The following AKR1C2 variants were observed in gnomAD, a reference collection of about 807,000 sequenced individuals.
AKR1C2 encodes the protein aldo-keto reductase family 1 member C2, also known as 3-alpha-HSD3.
In AKR1C2, 27 loss-of-function variants were observed where a neutral mutation model predicts 39.8. The ratio of observed to expected loss-of-function variants is 0.68; its 90% CI spans 0.50 to 0.93. The LOEUF (loss-of-function observed/expected upper bound fraction) is 0.93, where lower values mean the gene tolerates loss of function less well. Ranked by LOEUF, AKR1C2 falls within the 40% of genes least tolerant of loss-of-function variation. The pLI is 0.00. For synonymous variants in AKR1C2, 114 were observed against 137.9 expected (o/e 0.83, Z 1.22); for missense variants, 263 against 365.1 (o/e 0.72, Z 2.28).
Position 4,995,712 on chromosome 10 carries a change from T to A in AKR1C2, c.680+44A>T, listed in dbSNP as rs782472455. On this transcript the variant is annotated intron_variant, in intron 6 of 8. Transcript: ENST00000380753. ...CAGCATGATCTGATTAAATTTTTTT[T>A]ATCAAACCAGTGTTTTAGGTAAACT... is the stretch of plus-strand genomic sequence containing the variant. 206 of 1,542,864 alleles carry A rather than the reference T, an allele frequency of 1.3e-4. 9 individuals are homozygous for A. In the South Asian group the frequency reaches 1.7e-3, roughly 13 times the overall value.
upstream of AKR1C2, chr10:5,006,148 A>G (rs1837398769): frequency 6.6e-6 from 1 of 152,262 alleles, no homozygotes; most frequent in Non-Finnish European, 1.5e-5. Context: ...TTGGATTCCC[A>G]GAAGGGGAAG....
At chr10:5,002,311 C>T (rs1277718552) in intron 1 of AKR1C2, among the ~76,000 whole-genome samples, 26 of 152,280 alleles carry the variant, frequency 1.7e-4, no homozygotes, top group African/African-American at 6.3e-4. Context: ...TACGTAGAGC[C>T]ACCATTCTTA....
At chr10:5,014,145 G>T (rs1469115259) in intron 1 of AKR1C2, among the ~76,000 whole-genome samples, 4 of 152,014 alleles carry the variant, frequency 2.6e-5, no homozygotes, top group African/African-American at 7.3e-5. Context: ...ATTGTGAATA[G>T]AATTATTATG....
chr10:4,995,716 A>T (rs1554772903), intron 6 of AKR1C2, 40 bp downstream of exon 6: 12 of 1,549,340 alleles, frequency 7.7e-6, no homozygotes, highest in South Asian at 1.2e-5. Context: ...TTTTTTTATC[A>T]AACCAGTGTT....
chr10:4,992,424 C>T (rs1246376174), intron 7 of AKR1C2, among the ~76,000 whole-genome samples: 1 of 152,052 alleles, frequency 6.6e-6, no homozygotes, highest in African/African-American at 2.4e-5. Flanking sequence ...ATTTGGGAGA[C>T]TCTAAATATC....
chr10:4,996,461 C>T (rs1486508965), intron 5 of AKR1C2, among the ~76,000 whole-genome samples: 1 of 148,318 alleles, frequency 6.7e-6, no homozygotes, highest in African/African-American at 2.5e-5. Flanking sequence ...CCAGTGGGTT[C>T]CCTATGAAAC....
intron 1 of AKR1C2, among the ~76,000 whole-genome samples, chr10:5,003,097 A>C (rs1393068150): frequency 6.6e-6 from 1 of 152,172 alleles, no homozygotes; most frequent in Non-Finnish European, 1.5e-5. Context: ...ATATTCCATT[A>C]ATTTTCTTGT....
In AKR1C2 at chr10:5,001,667, T is replaced by G; in HGVS notation, c.99A>C (p.Lys33Asn). ...TYAPAEVPKSKALEAVKLAIE... is the reference protein window; with the variant it reads ...TYAPAEVPKSNALEAVKLAIE... ...TTGCCAATTTGACGGCCTCTAGAGC[T>G]TTACTTTTAGGAACCTGGGGGAGCA... Residue 33 changes from lysine (K) to asparagine (N), a missense_variant, in exon 2 of 9, where the codon AAA becomes AAC. Physicochemically the swap from Lys to Asn is moderately conservative, Grantham distance 94. Around this residue, in one of 3 missense-constraint regions of AKR1C2, gnomAD observed 247 missense variants for 267.9 expected, o/e 0.92. Transcript: ENST00000380753. The G allele has an allele frequency of 6.2e-7, 1 of 1,613,782 alleles. No individual in the cohort carries two copies. The highest frequency in any genetic ancestry group is 8.5e-7 in the Non-Finnish European group (1 of 1,179,772).
rs1198777370 is a variant in AKR1C2, at chr10:4,988,248, T to C, written c.*1748A>G. ...ACTTACATCAGTCAAGTTTATGAGA[T>C]GTGAAATTATCATTCCATAGACTCA... is the stretch of plus-strand genomic sequence containing the variant. On this transcript the variant is annotated 3_prime_UTR_variant, in exon 9 of 9. Transcript: ENST00000380753. The C allele has an allele frequency of 6.6e-6, 1 of 152,214 alleles. No homozygotes were observed. The highest frequency in any genetic ancestry group is 1.5e-5 in the Non-Finnish European group (1 of 68,042). The allele number at this position is 152,214 out of a possible 1,614,324, so 9.4% of individuals were successfully genotyped here. A position where few individuals can be genotyped will look rare whatever the true frequency, so the allele number is the denominator to read the frequency against.
In AKR1C2 at chr10:4,996,045, A is replaced by C. The variant is rs1418647547; in HGVS notation, c.571-180T>G. 4.2e-6 allele frequency: 3 copies of C among 720,944 alleles called. No individual in the cohort carries two copies. In the African/African-American group the frequency reaches 5.3e-5, roughly 13 times the overall value. 44.7% of individuals were successfully genotyped at this position (720,944 alleles called of 1,614,324 possible). A position where few individuals can be genotyped will look rare whatever the true frequency, so the allele number is the denominator to read the frequency against. On this transcript the variant is annotated intron_variant, in intron 5 of 8. Coordinates refer to ENST00000380753, the MANE Select transcript of AKR1C2 (RefSeq NM_001393392.1). ...TGCCCCTCTCTCCTAAGAAAATAGA[A>C]ATGCTATTTCTGAGCACAAGCAACT... is the stretch of plus-strand genomic sequence containing the variant.
upstream of AKR1C2, among the ~76,000 whole-genome samples, chr10:5,007,001 T>G (rs1837420963): frequency 6.7e-6 from 1 of 149,124 alleles, no homozygotes. Context: ...CTCTATTTCT[T>G]GACCTTGTGA....
chr10:4,993,207 G>C (rs1289414311), intron 7 of AKR1C2, among the ~76,000 whole-genome samples: 7 of 152,060 alleles, frequency 4.6e-5, no homozygotes, highest in Non-Finnish European at 8.8e-5. Flanking sequence ...GAATAGCTAA[G>C]ATATTATTAA....
intron 1 of AKR1C2, among the ~76,000 whole-genome samples, chr10:5,015,640 T>C (rs367652867): frequency 1.3e-5 from 2 of 152,242 alleles, no homozygotes; most frequent in South Asian, 2.1e-4. Context: ...ATGTAAGGTG[T>C]TGCAAACCCC....
chr10:4,991,016 A>G (rs2131669621), intron 8 of AKR1C2, among the ~76,000 whole-genome samples: 1 of 151,228 alleles, frequency 6.6e-6, no homozygotes, highest in Middle Eastern at 3.4e-3. Context: ...TAAAATCTCC[A>G]CTGCCATCAG....
At chr10:4,998,859 T>G in intron 4 of AKR1C2, 112 bp from the exon 5 acceptor site, 7 of 1,498,452 alleles carry the variant, frequency 4.7e-6, no homozygotes, top group Non-Finnish European at 6.3e-6. Flanking sequence ...TCAAACTAGC[T>G]AGCCGTGGTT....
At chr10:5,005,118 C>T (rs1319350248), upstream of AKR1C2, among the ~76,000 whole-genome samples, 2 of 151,992 alleles carry the variant, frequency 1.3e-5, no homozygotes, top group African/African-American at 4.8e-5. Context: ...AATAGTCCAT[C>T]TAAGCTATTG....
chr10:5,000,885 A>C (rs1301995170), intron 2 of AKR1C2, among the ~76,000 whole-genome samples: 1 of 152,210 alleles, frequency 6.6e-6, no homozygotes, highest in African/African-American at 2.4e-5. Context: ...TGAAAGAGTG[A>C]AATTACTCAA....
upstream of AKR1C2, among the ~76,000 whole-genome samples, chr10:5,005,771 A>T (rs550150728): frequency 6.6e-6 from 1 of 152,334 alleles, no homozygotes; most frequent in East Asian, 1.9e-4. Context: ...ATTCCTGAAG[A>T]ATCACAGGCA....
At chr10:4,998,789 T>C in intron 4 of AKR1C2, 42 bp from the exon 5 acceptor site, 1 of 1,610,752 alleles carries the variant, frequency 6.2e-7, no homozygotes, top group Non-Finnish European at 8.5e-7. Flanking sequence ...TGTAGTCGAC[T>C]GAAGAGCAAG....
Sources: gnomAD v4.1 joint callset for allele counts (sites outside exome capture counted in the v4.1 genomes callset) on GRCh38, gnomAD v4.1.1 for gene constraint, gnomAD v4.1.1 regional missense constraint, MANE v1.5 for transcripts, NCBI Gene and HGNC (gene_info 2026-07-23, HGNC 2026-07-21) for gene names.